HMCN2: variants seen among roughly 807,000 people sequenced by gnomAD.
HMCN2 encodes hemicentin-2.
In HMCN2, 325 loss-of-function variants were observed where a neutral mutation model predicts 377.5. That is an observed-to-expected ratio of 0.86 (90% confidence interval 0.79 to 0.94). HMCN2 has a LOEUF of 0.94. Ranked by LOEUF, HMCN2 falls within the 40% of genes least tolerant of loss-of-function variation. HMCN2 has a pLI of 0.00. For missense variants in HMCN2, 4,543 were observed against 4,725.3 expected (o/e 0.96, Z 1.13); for synonymous variants, 2,007 against 2,046.8 (o/e 0.98, Z 0.53).
At position 130,393,201 on chromosome 9, in the gene HMCN2, G is replaced by C; in HGVS notation, c.10137-11G>C. ...CTTGTCTCCTTCTCCCTCTCCTCTC[G>C]GGGGATTCAGGATTTCCAAGGTGCA... On this transcript the variant is annotated splice_polypyrimidine_tract_variant and intron_variant, in intron 66 of 97. Coordinates refer to ENST00000683500, the MANE Select transcript of HMCN2 (RefSeq NM_001291815.2). The surrounding 1 kb of genome is among the most constrained non-coding windows in gnomAD (Gnocchi z 5.2). The C allele has an allele frequency of 1.0e-6, 1 of 987,720 alleles. No individual in the cohort carries two copies. The highest frequency in any genetic ancestry group is 4.7e-5 in the South Asian group (1 of 21,358). 61.2% of individuals were successfully genotyped at this position (987,720 alleles called of 1,614,324 possible). A position where few individuals can be genotyped will look rare whatever the true frequency, so the allele number is the denominator to read the frequency against.
rs1439977209 is a variant in HMCN2, at chr9:130,396,050, C to T, written c.11038C>T (p.Arg3680Cys). 5.4e-6 allele frequency: 7 copies of T among 1,284,440 alleles called. No homozygotes were observed. The highest frequency in any genetic ancestry group is 1.5e-5 in the African/African-American group (1 of 65,750). 79.6% of individuals were successfully genotyped at this position (1,284,440 alleles called of 1,614,324 possible). A position where few individuals can be genotyped will look rare whatever the true frequency, so the allele number is the denominator to read the frequency against. The change falls in exon 72 of 98, where the codon CGC becomes TGC. Residue 3680 changes from arginine to cysteine, a missense_variant. Arg to Cys is a radical substitution (Grantham distance 180). This residue lies in a region of HMCN2 where 1,073 missense variants were observed against 1,319.5 expected (regional missense o/e 0.81). Transcript: ENST00000683500. ...NAAGSTSVAF[R>C]VEIHTVPTIR... Reference sequence around the variant, plus strand: ...CGCAGGCAGCACTAGTGTCGCCTTCCGCGTGGAGATCCACAGTGAGTAGGG... The same window carrying T: ...CGCAGGCAGCACTAGTGTCGCCTTCTGCGTGGAGATCCACAGTGAGTAGGG...
intron 4 of HMCN2, among the ~76,000 whole-genome samples, chr9:130,293,279 G>GTCTTTTTTTTTTTTTTT (rs1835901741): frequency 1.8e-5 from 1 of 57,126 alleles, no homozygotes; most frequent in Non-Finnish European, 2.7e-5. Context: ...ACTCACTAAA[G>GTCTTTTTTTTTTTTTTT]TTTTTTTTTT....
At chr9:130,323,285 G>A (rs1430514909) in intron 19 of HMCN2, among the ~76,000 whole-genome samples, 5 of 152,172 alleles carry the variant, frequency 3.3e-5, no homozygotes, top group Admixed American at 6.5e-5. Context: ...GGAGCTCCAA[G>A]TGCTAGCGTG....
chr9:130,275,715 G>T (rs1834654083), intron 1 of HMCN2, among the ~76,000 whole-genome samples: 1 of 152,124 alleles, frequency 6.6e-6, no homozygotes, highest in Non-Finnish European at 1.5e-5. Flanking sequence ...TTCCCAAAGT[G>T]CTGGGATTAC....
rs937607764 is a variant in HMCN2 at position 130,357,923 on chromosome 9, C to A, written c.5515C>A (p.Pro1839Thr). The A allele has an allele frequency of 7.7e-7, 1 of 1,304,030 alleles. No homozygotes were observed. Among genetic ancestry groups the A allele is most frequent in the Non-Finnish European group, 1.0e-6 (1 of 988,766 alleles). 80.8% of individuals were successfully genotyped at this position (1,304,030 alleles called of 1,614,324 possible). The part of the protein sequence containing the change: ...VTLQCIGDGV[P>T]TPSLRWWKDG... ...CCTCCAGTGCATAGGGGATGGGGTG[C>A]CCACCCCAAGCCTCCGTTGGTGGAA... The change falls in exon 35 of 98, where the codon CCC (proline) becomes ACC (threonine). Residue 1839 changes from proline to threonine, a missense_variant. Physicochemically the swap from Pro to Thr is conservative, Grantham distance 38. Coordinates refer to ENST00000683500, the MANE Select transcript of HMCN2 (RefSeq NM_001291815.2).
rs536389204 is a variant in HMCN2, at chr9:130,384,969, G to T, written c.9106+171G>T. 2.6e-5 allele frequency among the ~76,000 whole-genome samples: 4 copies of T among 152,294 alleles called. No homozygotes were observed. In the South Asian group the frequency reaches 8.3e-4, roughly 32 times the overall value. On this transcript the variant is annotated intron_variant, in intron 59 of 97. Coordinates refer to ENST00000683500, the MANE Select transcript of HMCN2 (RefSeq NM_001291815.2). ...GGGAGCAGTGGGACGGGCCCCAGGAGCCTGGCTGGGGAAGGGGCCTCCCCA... is the reference window on the plus strand; with the variant it reads ...GGGAGCAGTGGGACGGGCCCCAGGATCCTGGCTGGGGAAGGGGCCTCCCCA...
In HMCN2 at chr9:130,377,546, T is replaced by C. The variant is rs1157905228; in HGVS notation, c.8062-103T>C. On this transcript the variant is annotated intron_variant, in intron 52 of 97. Transcript: ENST00000683500. ...TCAGGGTGTTCTTGTCACTTTATGCTGCATTTTTGGAGAATGTATTGAGAA... is the reference window on the plus strand; with the variant it reads ...TCAGGGTGTTCTTGTCACTTTATGCCGCATTTTTGGAGAATGTATTGAGAA... The C allele has an allele frequency of 4.8e-6, 3 of 620,934 alleles. No homozygotes were observed. The African/African-American group carries it at 5.9e-5, about 12-fold the overall frequency. 38.5% of individuals were successfully genotyped at this position (620,934 alleles called of 1,614,324 possible). A position where few individuals can be genotyped will look rare whatever the true frequency, so the allele number is the denominator to read the frequency against.
At chr9:130,376,262 T>C (rs1841371252) in intron 51 of HMCN2, among the ~76,000 whole-genome samples, 2 of 152,168 alleles carry the variant, frequency 1.3e-5, no homozygotes, top group Admixed American at 1.3e-4. Context: ...CTCTGCAGAT[T>C]GAGACTGGGG....
rs1299620007 is a variant in HMCN2 at position 130,362,934 on chromosome 9, G to A, written c.6176G>A (p.Cys2059Tyr). Residue 2059 changes from cysteine to tyrosine, a missense_variant, in exon 40 of 98, where the codon TGC (cysteine) becomes TAC (tyrosine). Cys to Tyr is a radical substitution (Grantham distance 194). Coordinates refer to ENST00000683500, the MANE Select transcript of HMCN2 (RefSeq NM_001291815.2). ...GCCTCCGACTCTGGGAGGTACTCCT[G>A]CGTGGCTGTGAGCGCGGTGGGCGAG... ...ARASDSGRYS[C>Y]VAVSAVGEDR... is the part of the protein sequence containing the mutation. 1.0e-6 allele frequency: 1 copy of A among 985,870 alleles called. No individual in the cohort carries two copies. The highest frequency in any genetic ancestry group is 1.2e-6 in the Non-Finnish European group (1 of 830,006). 61.1% of individuals were successfully genotyped at this position (985,870 alleles called of 1,614,324 possible).
intron 94 of HMCN2, 146 bp from the exon 95 acceptor site, chr9:130,430,138 G>A: frequency 4.3e-6 from 3 of 694,038 alleles, no homozygotes; most frequent in Non-Finnish European, 4.7e-6. Context: ...TCCGGGAGAG[G>A]GGGATGCAGC....
At chr9:130,357,492 GGCTA>G (rs1840105998) in intron 34 of HMCN2, among the ~76,000 whole-genome samples, 1 of 151,568 alleles carries the variant, frequency 6.6e-6, no homozygotes, top group Non-Finnish European at 1.5e-5. Context: ...GTGGGTGGAT[GGCTA>G]GCTGGATGGA....
intron 15 of HMCN2, among the ~76,000 whole-genome samples, chr9:130,311,508 A>G (rs1479703624): frequency 6.6e-6 from 1 of 152,158 alleles, no homozygotes; most frequent in African/African-American, 2.4e-5. Context: ...TGTGTTGCTC[A>G]TGAGCTCAGG....
chr9:130,390,890 A>G, intron 62 of HMCN2, 87 bp from the exon 63 acceptor site: 2 of 904,986 alleles, frequency 2.2e-6, no homozygotes, highest in Non-Finnish European at 2.6e-6. Context: ...GGGGACATAT[A>G]AGAAGGCGCC....
In HMCN2 at chr9:130,403,859, G is replaced by A. The variant is rs528983334; in HGVS notation, c.12132G>A (p.Thr4044=). 148 of 1,289,488 alleles carry A rather than the reference G, an allele frequency of 1.1e-4. No individual in the cohort carries two copies. Among genetic ancestry groups the A allele is most frequent in the East Asian group, 2.2e-4 (4 of 18,012 alleles). The allele number at this position is 1,289,488 out of a possible 1,614,324, so 79.9% of individuals were successfully genotyped here. A position where few individuals can be genotyped will look rare whatever the true frequency, so the allele number is the denominator to read the frequency against. The change falls in exon 80 of 98, where the codon ACG becomes ACA. Residue 4044 remains threonine (T), a synonymous_variant. Coordinates refer to ENST00000683500, the MANE Select transcript of HMCN2 (RefSeq NM_001291815.2). The stretch of plus-strand genomic sequence containing the variant: ...GTGCGGGCAGTGCCATGGGGAAGAC[G>A]CGGCTGGTGGTGCAAGGTGGGAGTG... ...KNSAGSAMGK[T]RLVVQVPPVI...
intron 1 of HMCN2, among the ~76,000 whole-genome samples, chr9:130,269,266 CT>C (rs56326154): frequency 0.023 from 2,646 of 116,488 alleles, 79 homozygotes; most frequent in East Asian, 0.087. Flanking sequence ...GCCCTGGTTC[CT>C]TTTTTTTTTT....
chr9:130,425,011 G>T lies in HMCN2; in HGVS notation c.13522G>T (p.Glu4508Ter). The T allele has an allele frequency of 1.3e-6, 2 of 1,544,790 alleles. No individual in the cohort carries two copies. Among genetic ancestry groups the T allele is most frequent in the African/African-American group, 1.4e-5 (1 of 73,086 alleles). ...GGCTGGGTGGGGATGGTTTGCAGGG[G>T]AGCTGCTCACGATGACCCAGGTGGC... Reference protein sequence around the residue: ...QESHVEFATGELLTMTQVARG... With the variant: ...QESHVEFATG The change falls in exon 89 of 98, where the codon GAG becomes TAG. Residue 4508 changes from glutamate (E) to a stop codon, truncating the protein, a stop_gained and splice_region_variant. Transcript: ENST00000683500. LOFTEE classifies it high-confidence loss of function.
chr9:130,396,410 CTT>C lies in HMCN2; in HGVS notation c.11198+99_11198+100del, dbSNP rs1411605544. The C allele has an allele frequency of 3.8e-6, 4 of 1,040,780 alleles. No individual in the cohort carries two copies. In the African/African-American group the frequency reaches 6.7e-5, roughly 17 times the overall value. 64.5% of individuals were successfully genotyped at this position (1,040,780 alleles called of 1,614,324 possible). A position where few individuals can be genotyped will look rare whatever the true frequency, so the allele number is the denominator to read the frequency against. ...TTGGGCAATTGGAGCAGAAAAGTGA[CTT>C]TATCATCAGGACGTGGGGTGTCTCA... On this transcript the variant is annotated intron_variant, in intron 73 of 97. Coordinates refer to ENST00000683500, the MANE Select transcript of HMCN2 (RefSeq NM_001291815.2).
chr9:130,381,670 C>A (rs1340966347), intron 54 of HMCN2, among the ~76,000 whole-genome samples: 6 of 152,154 alleles, frequency 3.9e-5, no homozygotes, highest in Admixed American at 3.9e-4. Context: ...AGCCACTGTG[C>A]CTGGCCCCTG....
At chr9:130,400,626 G>A in intron 76 of HMCN2, 157 bp from the exon 77 acceptor site, 1 of 322,830 alleles carries the variant, frequency 3.1e-6, no homozygotes, top group Non-Finnish European at 5.5e-6. Flanking sequence ...AGAAGGATGT[G>A]CTGAGTGGGC....
Sources: gnomAD v4.1 joint callset for allele counts (sites outside exome capture counted in the v4.1 genomes callset) on GRCh38, gnomAD v4.1.1 for gene constraint, gnomAD v4.1.1 regional missense constraint, Gnocchi (gnomAD v3.1) non-coding constraint, MANE v1.5 for transcripts, NCBI Gene and HGNC (gene_info 2026-07-23, HGNC 2026-07-21) for gene names.